The following TAGLN variants were observed in gnomAD, a reference collection of about 807,000 sequenced individuals.
TAGLN encodes the protein 22 kDa actin-binding protein.
Under a neutral mutation model 21.9 loss-of-function variants are expected in TAGLN, and 16 were observed. The ratio of observed to expected loss-of-function variants is 0.73; its 90% CI spans 0.49 to 1.11. TAGLN has a LOEUF of 1.11. Among genes scored for constraint, TAGLN ranks in the 50% least tolerant of loss-of-function variants. The probability of loss-of-function intolerance (pLI) is 0.00; values close to 1 mark genes in which losing one functional copy is unlikely to be tolerated. For missense variants in TAGLN, 248 were observed against 263.2 expected (o/e 0.94, Z 0.40); for synonymous variants, 96 against 94.9 (o/e 1.01, Z -0.06).
Position 117,203,638 on chromosome 11 carries a change from G to A in TAGLN, c.359-144G>A. On this transcript the variant is annotated intron_variant, in intron 3 of 4. Transcript: ENST00000392951. The surrounding 1 kb of genome is among the most constrained non-coding windows in gnomAD (Gnocchi z 4.4). ...GAGAATAACACGCCACGCTCACAGG[G>A]CCCACTGAGAGGCCTCCCTTGAATT... 8 of 1,249,054 alleles carry A rather than the reference G, an allele frequency of 6.4e-6. No homozygotes were observed. Among genetic ancestry groups the A allele is most frequent in the Non-Finnish European group, 7.8e-6 (7 of 892,914 alleles). 77.4% of individuals were successfully genotyped at this position (1,249,054 alleles called of 1,614,324 possible). A position where few individuals can be genotyped will look rare whatever the true frequency, so the allele number is the denominator to read the frequency against.
chr11:117,203,873 C>G lies in TAGLN; in HGVS notation c.450C>G (p.Asn150Lys). 1 of 1,613,928 alleles carries G rather than the reference C, an allele frequency of 6.2e-7. No individual in the cohort carries two copies. The highest frequency in any genetic ancestry group is 8.5e-7 in the Non-Finnish European group (1 of 1,179,894). Residue 150 changes from asparagine (N) to lysine (K), a missense_variant, in exon 4 of 5, where the codon AAC becomes AAG. Physicochemically the swap from Asn to Lys is moderately conservative, Grantham distance 94. Transcript: ENST00000392951. This position sits in a 1 kb window ranked among gnomAD's most constrained non-coding sequence, Gnocchi z 4.4. ...ATGGGCACTACCGTGGAGATCCCAA[C>G]TGGTTTATGAAGTATGTGGCCCCCA... is the stretch of plus-strand genomic sequence containing the variant. ...KNDGHYRGDP[N>K]WFMKKAQEHK...
intron 1 of TAGLN, among the ~76,000 whole-genome samples, chr11:117,200,011 G>C (rs979677098): frequency 1.3e-5 from 2 of 151,874 alleles, no homozygotes; most frequent in African/African-American, 2.4e-5. Flanking sequence ...CCCTTCCACT[G>C]TCTGACAGTG....
rs2031445282 is a variant in TAGLN at position 117,206,917 on chromosome 11, G to C, written c.*2558G>C. 1.2e-6 allele frequency: 1 copy of C among 846,700 alleles called. No homozygotes were observed. Among genetic ancestry groups the C allele is most frequent in the Non-Finnish European group, 2.0e-6 (1 of 488,976 alleles). The allele number at this position is 846,700 out of a possible 1,614,324, so 52.4% of individuals were successfully genotyped here. Reference sequence around the variant, plus strand: ...GGAAGCCCCACAGCAAAAAGGAGAGGCCCAGACTGTGAGTTCCCAGCCCGG... The same window carrying C: ...GGAAGCCCCACAGCAAAAAGGAGAGCCCCAGACTGTGAGTTCCCAGCCCGG... On this transcript the variant is annotated 3_prime_UTR_variant, in exon 5 of 5. Transcript: ENST00000392951.
Position 117,204,558 on chromosome 11 carries a change from C to T in TAGLN, c.*199C>T. On this transcript the variant is annotated 3_prime_UTR_variant, in exon 5 of 5. Coordinates refer to ENST00000392951, the MANE Select transcript of TAGLN (RefSeq NM_003186.5). ...CTCAGCCCAACTTCTTACCCGAAAG[C>T]ATCACTGCCTTGGCCCCTCCCTCCC... 1.3e-6 allele frequency: 1 copy of T among 798,660 alleles called. No individual in the cohort carries two copies. Among genetic ancestry groups the T allele is most frequent in the Non-Finnish European group, 2.1e-6 (1 of 480,432 alleles). The allele number at this position is 798,660 out of a possible 1,614,324, so 49.5% of individuals were successfully genotyped here.
At chr11:117,204,091 G>C in intron 4 of TAGLN, 124 bp from the exon 5 acceptor site, 1 of 1,445,688 alleles carries the variant, frequency 6.9e-7, no homozygotes, top group Non-Finnish European at 9.4e-7. Flanking sequence ...AGGCAAGCTA[G>C]ATTAGGGAAA....
chr11:117,203,225 G>A lies in TAGLN; in HGVS notation c.180+32G>A. On this transcript the variant is annotated intron_variant, in intron 2 of 4. Coordinates refer to ENST00000392951, the MANE Select transcript of TAGLN (RefSeq NM_003186.5). The surrounding 1 kb of genome is among the most constrained non-coding windows in gnomAD (Gnocchi z 4.4). The stretch of plus-strand genomic sequence containing the variant: ...GGCACCCTGGGCTAGGGCGCTGGGG[G>A]GCTGGGGTGTGCCACCCTGTGAGTC... 1 of 1,594,832 alleles carries A rather than the reference G, an allele frequency of 6.3e-7. No individual in the cohort carries two copies. Among genetic ancestry groups the A allele is most frequent in the South Asian group, 1.1e-5 (1 of 89,016 alleles).
In TAGLN at chr11:117,205,433, G is replaced by C. The variant is rs141169008; in HGVS notation, c.*1074G>C. ...TGGGGGAGCCGTGTGTATCCCAGCT[G>C]TGCCGGCAGCATCATACCAATCGTG... On this transcript the variant is annotated 3_prime_UTR_variant, in exon 5 of 5. Coordinates refer to ENST00000392951, the MANE Select transcript of TAGLN (RefSeq NM_003186.5). 7.6e-4 allele frequency: 178 copies of C among 233,900 alleles called. 1 individual carries two copies. Among genetic ancestry groups the C allele is most frequent in the African/African-American group, 3.8e-3 (175 of 45,486 alleles). 14.5% of individuals were successfully genotyped at this position (233,900 alleles called of 1,614,324 possible). A position where few individuals can be genotyped will look rare whatever the true frequency, so the allele number is the denominator to read the frequency against.
At position 117,203,973 on chromosome 11, in the gene TAGLN, A is replaced by T; in HGVS notation, c.461+89A>T. ...TTGCGGGAAGGATTAGGGGAAGCAGATAGCCAAGAAAGGATAAAGTGAGGG... is the reference window on the plus strand; with the variant it reads ...TTGCGGGAAGGATTAGGGGAAGCAGTTAGCCAAGAAAGGATAAAGTGAGGG... On this transcript the variant is annotated intron_variant, in intron 4 of 4. Coordinates refer to ENST00000392951, the MANE Select transcript of TAGLN (RefSeq NM_003186.5). This position sits in a 1 kb window ranked among gnomAD's most constrained non-coding sequence, Gnocchi z 4.4. 7.9e-7 allele frequency: 1 copy of T among 1,259,422 alleles called. No individual in the cohort carries two copies. Among genetic ancestry groups the T allele is most frequent in the Non-Finnish European group, 1.1e-6 (1 of 870,186 alleles). The allele number at this position is 1,259,422 out of a possible 1,614,324, so 78.0% of individuals were successfully genotyped here. A position where few individuals can be genotyped will look rare whatever the true frequency, so the allele number is the denominator to read the frequency against.
At position 117,206,293 on chromosome 11, in the gene TAGLN, A is replaced by T. The variant is rs608620; in HGVS notation, c.*1934A>T. ...TTGGAAGCCACATTCCTCTGGCTCA[A>T]ATATACTTCCAGCATGTAGTAAACA... is the stretch of plus-strand genomic sequence containing the variant. On this transcript the variant is annotated 3_prime_UTR_variant, in exon 5 of 5. Coordinates refer to ENST00000392951, the MANE Select transcript of TAGLN (RefSeq NM_003186.5). 1 of 1,609,510 alleles carries T rather than the reference A, an allele frequency of 6.2e-7. No homozygotes were observed. Among genetic ancestry groups the T allele is most frequent in the Admixed American group, 1.7e-5 (1 of 57,842 alleles).
chr11:117,203,076 G>A lies in TAGLN; in HGVS notation c.63G>A (p.Lys21=). The A allele has an allele frequency of 6.2e-7, 1 of 1,611,924 alleles. No homozygotes were observed. Among genetic ancestry groups the A allele is most frequent in the Non-Finnish European group, 8.5e-7 (1 of 1,178,968 alleles). ...AAGTGCAGTCCAAAATCGAGAAGAA[G>A]TATGACGAGGAGCTGGAGGAGCGGC... The part of the protein sequence containing the change: ...SREVQSKIEK[K]YDEELEERLV... Residue 21 remains lysine, a synonymous_variant, in exon 2 of 5, where the codon AAG becomes AAA. Coordinates refer to ENST00000392951, the MANE Select transcript of TAGLN (RefSeq NM_003186.5). The surrounding 1 kb of genome is among the most constrained non-coding windows in gnomAD (Gnocchi z 4.4).
chr11:117,204,155 GAA>G (rs1450353428), intron 4 of TAGLN, 58 bp from the exon 5 acceptor site: 3 of 1,608,022 alleles, frequency 1.9e-6, no homozygotes, highest in Non-Finnish European at 2.6e-6. Context: ...AGAGGGATCA[GAA>G]AACGGGTGGA....
rs572903004 is a variant in TAGLN, at chr11:117,205,750, G to A, written c.*1391G>A. The A allele has an allele frequency of 4.0e-5, 16 of 397,070 alleles. No individual in the cohort carries two copies. The Admixed American group carries it at 4.5e-4, about 11-fold the overall frequency. 24.6% of individuals were successfully genotyped at this position (397,070 alleles called of 1,614,324 possible). ...AGGATGGAGGCCAAACCAAAGGGGG[G>A]CGCCAATCCCCTGTCCAACACCTTC... is the stretch of plus-strand genomic sequence containing the variant. On this transcript the variant is annotated 3_prime_UTR_variant, in exon 5 of 5. Transcript: ENST00000392951.
Position 117,205,008 on chromosome 11 carries a change from G to C in TAGLN, c.*649G>C, listed in dbSNP as rs2031286930. Reference sequence around the variant, plus strand: ...TCTTGGGGACCGAAGGGAAAAAGGAGCCACTCAGCAGCATGCAGTGGCTTT... The same window carrying C: ...TCTTGGGGACCGAAGGGAAAAAGGACCCACTCAGCAGCATGCAGTGGCTTT... On this transcript the variant is annotated 3_prime_UTR_variant, in exon 5 of 5. Coordinates refer to ENST00000392951, the MANE Select transcript of TAGLN (RefSeq NM_003186.5). The C allele has an allele frequency of 5.0e-6, 1 of 200,996 alleles. No individual in the cohort carries two copies. The highest frequency in any genetic ancestry group is 1.9e-4 in the South Asian group (1 of 5,364). The allele number at this position is 200,996 out of a possible 1,614,324, so 12.5% of individuals were successfully genotyped here.
intron 1 of TAGLN, chr11:117,200,163 C>T: frequency 6.6e-6 from 1 of 152,150 alleles, no homozygotes; most frequent in Non-Finnish European, 1.5e-5. Flanking sequence ...CCAAAGGTAG[C>T]AGTGAGGATG....
Position 117,204,343 on chromosome 11 carries a change from G to A in TAGLN, c.590G>A (p.Arg197Gln), listed in dbSNP as rs199737213. Residue 197 changes from arginine (R) to glutamine (Q), a missense_variant, in exon 5 of 5, where the codon CGG (arginine) becomes CAG (glutamine). By Grantham distance (43) the Arg-to-Gln change is conservative. Coordinates refer to ENST00000392951, the MANE Select transcript of TAGLN (RefSeq NM_003186.5). ...GGCATGACAGGCTACGGACGACCTC[G>A]GCAGATCATCAGTTAGAGCGGAGAG... ...QAGMTGYGRPRQIIS is the reference protein window; with the variant it reads ...QAGMTGYGRPQQIIS 1.1e-4 allele frequency: 175 copies of A among 1,614,218 alleles called. No homozygotes were observed. Among genetic ancestry groups the A allele is most frequent in the Middle Eastern group, 1.6e-4 (1 of 6,062 alleles).
Position 117,203,565 on chromosome 11 carries a change from C to T in TAGLN, c.358+81C>T, listed in dbSNP as rs2031195580. 2 of 1,521,854 alleles carry T rather than the reference C, an allele frequency of 1.3e-6. No individual in the cohort carries two copies. Among genetic ancestry groups the T allele is most frequent in the South Asian group, 1.2e-5 (1 of 84,574 alleles). 94.3% of individuals were successfully genotyped at this position (1,521,854 alleles called of 1,614,324 possible). A position where few individuals can be genotyped will look rare whatever the true frequency, so the allele number is the denominator to read the frequency against. ...GGGAGAGGGAATGACCAGAATATGC[C>T]ACAACTAGGGGTGTGCTTGCCCGCA... On this transcript the variant is annotated intron_variant, in intron 3 of 4. Coordinates refer to ENST00000392951, the MANE Select transcript of TAGLN (RefSeq NM_003186.5). This position sits in a 1 kb window ranked among gnomAD's most constrained non-coding sequence, Gnocchi z 4.4.
Position 117,206,195 on chromosome 11 carries a change from T to C in TAGLN, c.*1836T>C. 1 of 1,614,086 alleles carries C rather than the reference T, an allele frequency of 6.2e-7. No individual in the cohort carries two copies. The highest frequency in any genetic ancestry group is 1.1e-5 in the South Asian group (1 of 91,072). ...TGCTGCTGCAAAGTGGCACTGATTCTAGCTCTGTCCCTTCCTCCTTGGCTT... is the reference window on the plus strand; with the variant it reads ...TGCTGCTGCAAAGTGGCACTGATTCCAGCTCTGTCCCTTCCTCCTTGGCTT... On this transcript the variant is annotated 3_prime_UTR_variant, in exon 5 of 5. Coordinates refer to ENST00000392951, the MANE Select transcript of TAGLN (RefSeq NM_003186.5).
At chr11:117,202,963 A>AC in intron 1 of TAGLN, 39 bp from the exon 2 acceptor site, 1 of 1,510,006 alleles carries the variant, frequency 6.6e-7, no homozygotes, top group Non-Finnish European at 8.9e-7. Flanking sequence ...CTGCTCCCTG[A>AC]CCCTCTGCCC....
rs758663505 is a variant in TAGLN at position 117,206,299 on chromosome 11, C to T, written c.*1940C>T. The T allele has an allele frequency of 1.7e-5, 27 of 1,614,088 alleles. No individual in the cohort carries two copies. The highest frequency in any genetic ancestry group is 1.2e-5 in the Non-Finnish European group (14 of 1,180,034). On this transcript the variant is annotated 3_prime_UTR_variant, in exon 5 of 5. Coordinates refer to ENST00000392951, the MANE Select transcript of TAGLN (RefSeq NM_003186.5). Reference sequence around the variant, plus strand: ...GCCACATTCCTCTGGCTCAAATATACTTCCAGCATGTAGTAAACAGTCCAG... The same window carrying T: ...GCCACATTCCTCTGGCTCAAATATATTTCCAGCATGTAGTAAACAGTCCAG...
Sources: allele counts gnomAD v4.1 joint callset (sites outside exome capture counted in the v4.1 genomes callset), GRCh38; gene constraint gnomAD v4.1.1; non-coding constraint Gnocchi (gnomAD v3.1); transcripts MANE v1.5; gene names NCBI Gene and HGNC (gene_info 2026-07-23, HGNC 2026-07-21).